FBXO36: variants seen among roughly 807,000 people sequenced by gnomAD.
FBXO36 encodes the protein F-box protein 36, also known as F-box only protein 36.
FBXO36 carries 18 observed loss-of-function variants against 17.0 expected under a neutral mutation model. That is an observed-to-expected ratio of 1.06 (90% CI 0.73 to 1.57). The LOEUF (loss-of-function observed/expected upper bound fraction) is 1.57. FBXO36 is among the 40% of genes most tolerant of loss of function. FBXO36 has a pLI of 0.00. For missense variants in FBXO36, 229 were observed against 221.9 expected (o/e 1.03, Z -0.20); for synonymous variants, 83 against 85.3 (o/e 0.97, Z 0.15).
intron 3 of FBXO36, among the ~76,000 whole-genome samples, chr2:230,001,631 G>C (rs570806313): frequency 2.6e-5 from 4 of 152,020 alleles, no homozygotes; most frequent in African/African-American, 9.7e-5. Context: ...TGAAAAAAAG[G>C]CTTCCTTTTC....
chr2:229,959,864 G>T (rs2106181095), intron 1 of FBXO36, among the ~76,000 whole-genome samples: 1 of 151,832 alleles, frequency 6.6e-6, no homozygotes, highest in South Asian at 2.1e-4. Flanking sequence ...AAAGAATACT[G>T]CCAAAGTTAC....
rs570704320 is a variant in FBXO36, at chr2:229,963,299, C to T, written c.97-12942C>T. ...CAGGATGGTTTAGATTTCCTGACCT[C>T]GTGATCCGCCCACCTCGGCCTCCCA... On this transcript the variant is annotated intron_variant, in intron 1 of 3. Transcript: ENST00000283946. Among the ~76,000 whole-genome samples, 131 of 149,930 alleles carry T rather than the reference C, an allele frequency of 8.7e-4. 1 individual carries two copies. The highest frequency in any genetic ancestry group is 2.5e-3 in the Admixed American group (37 of 15,088).
chr2:229,994,972 G>A (rs1023707042), intron 2 of FBXO36, among the ~76,000 whole-genome samples: 3 of 152,046 alleles, frequency 2.0e-5, no homozygotes, highest in African/African-American at 7.2e-5. Flanking sequence ...AAATTAGCCG[G>A]GCATGGTGGT....
At chr2:229,957,334 T>C (rs2077093834) in intron 1 of FBXO36, among the ~76,000 whole-genome samples, 1 of 152,132 alleles carries the variant, frequency 6.6e-6, no homozygotes. Flanking sequence ...CCCAGCACTT[T>C]GGGAGGCCAA....
At chr2:229,989,495 G>T (rs940308281) in intron 2 of FBXO36, among the ~76,000 whole-genome samples, 1 of 152,074 alleles carries the variant, frequency 6.6e-6, no homozygotes, top group Admixed American at 6.6e-5. Context: ...CACCTCAGGT[G>T]ATCTGCCCGC....
intron 3 of FBXO36, among the ~76,000 whole-genome samples, chr2:229,998,423 G>C (rs1485271842): frequency 2.6e-5 from 4 of 152,184 alleles, no homozygotes; most frequent in Non-Finnish European, 4.4e-5. Flanking sequence ...GGGAGTTTGA[G>C]ACCAGCCTGA....
intron 2 of FBXO36, among the ~76,000 whole-genome samples, chr2:229,989,388 G>A (rs1248029954): frequency 2.0e-5 from 3 of 152,176 alleles, no homozygotes; most frequent in African/African-American, 7.2e-5. Context: ...CTCCTGAGTA[G>A]CTGGGATTAC....
At chr2:229,980,961 A>G (rs2077236242) in intron 2 of FBXO36, among the ~76,000 whole-genome samples, 1 of 152,114 alleles carries the variant, frequency 6.6e-6, no homozygotes, top group African/African-American at 2.4e-5. Flanking sequence ...TGGTGTTGGT[A>G]GTCTCTGTAC....
chr2:229,996,688 G>T (rs2077329155), intron 2 of FBXO36, 63 bp from the exon 3 acceptor site: 1 of 1,500,584 alleles, frequency 6.7e-7, no homozygotes, highest in African/African-American at 1.4e-5. Flanking sequence ...GTATTTCACT[G>T]ATTGTTATTA....
chr2:229,942,857 C>T (rs2077006965), intron 1 of FBXO36: 1 of 152,254 alleles, frequency 6.6e-6, no homozygotes, highest in Non-Finnish European at 1.5e-5. Flanking sequence ...ATTGCCCATC[C>T]TTGGATCATG....
chr2:229,931,628 C>T (rs567533435), intron 1 of FBXO36, among the ~76,000 whole-genome samples: 1 of 152,290 alleles, frequency 6.6e-6, no homozygotes, highest in African/African-American at 2.4e-5. Context: ...ATCAAGAGAT[C>T]AGGGGTTCGA....
rs188011783 is a variant in FBXO36 at position 229,939,064 on chromosome 2, T to G, written c.96+16455T>G. On this transcript the variant is annotated intron_variant, in intron 1 of 3. Transcript: ENST00000283946. ...TTTTTTTGGTTTGTTTTTTGTTTTT[T>G]TTTTTTTTTGAGGAGTTTCGCTCTT... 641 of 162,332 alleles carry G rather than the reference T, an allele frequency of 3.9e-3. 8 individuals are homozygous for G. Among genetic ancestry groups the G allele is most frequent in the African/African-American group, 0.015 (597 of 40,682 alleles). 10.1% of individuals were successfully genotyped at this position (162,332 alleles called of 1,614,324 possible).
intron 1 of FBXO36, among the ~76,000 whole-genome samples, chr2:229,958,142 A>G (rs17325374): frequency 0.25 from 38,142 of 151,746 alleles, 5,936 homozygotes; most frequent in Middle Eastern, 0.42. Context: ...GTTCTGGAAG[A>G]TAACATTGTA....
chr2:229,978,862 T>C (rs2077223384), intron 2 of FBXO36, among the ~76,000 whole-genome samples: 1 of 152,056 alleles, frequency 6.6e-6, no homozygotes, highest in Non-Finnish European at 1.5e-5. Context: ...GGATCTTTGA[T>C]AATCAACACT....
At position 229,968,785 on chromosome 2, in the gene FBXO36, A is replaced by T. The variant is rs73103591; in HGVS notation, c.97-7456A>T. On this transcript the variant is annotated intron_variant, in intron 1 of 3. Coordinates refer to ENST00000283946, the MANE Select transcript of FBXO36 (RefSeq NM_174899.5). The stretch of plus-strand genomic sequence containing the variant: ...GCCCGGCCAAATTATTATTATTATT[A>T]TTTTTTGAAATGGAGTCTTGTTCTG... 7.8e-3 allele frequency among the ~76,000 whole-genome samples: 1,184 copies of T among 151,904 alleles called. 18 individuals carry two copies. Among genetic ancestry groups the T allele is most frequent in the African/African-American group, 0.025 (1,055 of 41,438 alleles).
intron 1 of FBXO36, among the ~76,000 whole-genome samples, chr2:229,948,907 C>T (rs977219213): frequency 3.2e-4 from 49 of 152,184 alleles, no homozygotes; most frequent in African/African-American, 1.1e-3. Flanking sequence ...GATCTCAGCT[C>T]ACTGCAGCCT....
intron 1 of FBXO36, among the ~76,000 whole-genome samples, chr2:229,948,740 G>A (rs1056066632): frequency 2.0e-5 from 3 of 152,284 alleles, no homozygotes; most frequent in East Asian, 3.9e-4. Flanking sequence ...CCACGCAAAA[G>A]CAGCCAAATT....
intron 3 of FBXO36, among the ~76,000 whole-genome samples, chr2:230,001,648 C>T (rs939463521): frequency 2.0e-5 from 3 of 152,058 alleles, no homozygotes; most frequent in African/African-American, 4.8e-5. Flanking sequence ...TTTCAAATTC[C>T]GGGGGACAAG....
intron 1 of FBXO36, among the ~76,000 whole-genome samples, chr2:229,959,963 C>T (rs1303253218): frequency 1.3e-5 from 2 of 152,108 alleles, no homozygotes; most frequent in Middle Eastern, 3.2e-3. Flanking sequence ...AGCTTCTAAT[C>T]AGTCAACTCT....
Sources: gnomAD v4.1 joint callset for allele counts (sites outside exome capture counted in the v4.1 genomes callset) on GRCh38, gnomAD v4.1.1 for gene constraint, MANE v1.5 for transcripts, NCBI Gene and HGNC (gene_info 2026-07-23, HGNC 2026-07-21) for gene names.